Variants in DOK3 observed in about 807,000 individuals in gnomAD.
DOK3 encodes the protein docking protein 3.
DOK3 carries 23 observed loss-of-function variants against 26.2 expected under a neutral mutation model. The observed-to-expected ratio is 0.88, with a 90% CI of 0.63 to 1.24. The LOEUF is 1.24. Among genes scored for constraint, DOK3 ranks in the 50% most tolerant of loss-of-function variants. The probability of loss-of-function intolerance (pLI) is 0.00; values close to 1 mark genes in which losing one functional copy is unlikely to be tolerated. For synonymous variants in DOK3, 268 were observed against 268.2 expected (o/e 1.00, Z 0.01); for missense variants, 619 against 610.6 (o/e 1.01, Z -0.15).
At chr5:177,510,207 T>C (rs1210090464), upstream of DOK3, 2 of 398,002 alleles carry the variant, frequency 5.0e-6, no homozygotes, top group Non-Finnish European at 9.2e-6. Flanking sequence ...CTCAGGGACC[T>C]GTGTGTTCTG....
In DOK3 at chr5:177,504,408, G is replaced by A. The variant is rs1268849824; in HGVS notation, c.898C>T (p.His300Tyr). The A allele has an allele frequency of 6.4e-7, 1 of 1,567,596 alleles. No homozygotes were observed. The highest frequency in any genetic ancestry group is 2.2e-5 in the East Asian group (1 of 44,448). ...CTCTGGGGTCCGGGCTCGGCCAGGT[G>A]CATTTTCCTGGACGTGGGTGGCTCA... ...GPEPPTSRKM[H>Y]LAEPGPQSLP... The change falls in exon 6 of 6, where the codon CAC becomes TAC. Residue 300 changes from histidine (H) to tyrosine (Y), a missense_variant. Transcript: ENST00000510898.
At chr5:177,509,833 A>C (rs1300017289), upstream of DOK3, 3 of 1,611,194 alleles carry the variant, frequency 1.9e-6, no homozygotes, top group East Asian at 4.5e-5. Flanking sequence ...GTCTGATCGC[A>C]GTCTGGCTCC....
intron 2 of DOK3, chr5:177,508,883 A>C (rs1581793588): frequency 3.4e-6 from 1 of 292,684 alleles, no homozygotes; most frequent in Non-Finnish European, 6.3e-6. Flanking sequence ...GTTCCCTCTC[A>C]CCCCCAAAAA....
upstream of DOK3, chr5:177,510,042 C>T: frequency 1.3e-6 from 1 of 741,898 alleles, no homozygotes; most frequent in East Asian, 2.7e-5. Context: ...TGTTCACCTG[C>T]TCCTCTCCAC....
chr5:177,509,546 C>T lies in DOK3; in HGVS notation c.-6G>A, dbSNP rs759442816. The T allele has an allele frequency of 6.8e-6, 11 of 1,609,716 alleles. No homozygotes were observed. Among genetic ancestry groups the T allele is most frequent in the South Asian group, 1.1e-5 (1 of 90,584 alleles). On this transcript the variant is annotated 5_prime_UTR_variant, in exon 2 of 6. It adds an upstream start codon to the 5' untranslated region. Coordinates refer to ENST00000510898, the MANE Select transcript of DOK3 (RefSeq NM_001308236.3). ...GGGGTCTCCAGAGGGTCCATGGTCA[C>T]GGCCAGGAGCAGGGCCGCCGCTTCA...
chr5:177,510,196 A>C, upstream of DOK3: 2 of 417,578 alleles, frequency 4.8e-6, no homozygotes, highest in Non-Finnish European at 4.4e-6. Context: ...TCAGCCCAAC[A>C]CTCAGGGACC....
chr5:177,503,130 G>A lies in DOK3; in HGVS notation c.*853C>T, dbSNP rs202146130. 1,749 of 1,551,124 alleles carry A rather than the reference G, an allele frequency of 1.1e-3. 8 individuals carry two copies. Among genetic ancestry groups the A allele is most frequent in the South Asian group, 7.0e-3 (585 of 84,006 alleles). On this transcript the variant is annotated 3_prime_UTR_variant, in exon 6 of 6. Coordinates refer to ENST00000510898, the MANE Select transcript of DOK3 (RefSeq NM_001308236.3). Reference sequence around the variant, plus strand: ...AGAGCCCTGGAGGCATGACGCTTGCGTGCGTGGCTGGCTCCTAGGATGGCG... The same window carrying A: ...AGAGCCCTGGAGGCATGACGCTTGCATGCGTGGCTGGCTCCTAGGATGGCG...
rs372845866 is a variant in DOK3 at position 177,503,225 on chromosome 5, C to T, written c.*758G>A. On this transcript the variant is annotated 3_prime_UTR_variant, in exon 6 of 6. Transcript: ENST00000510898. ...GGAAACTTCTCTCCCCCTGGAATGT[C>T]GGCTCCCGGAGAACAGGACCAAGGC... 100 of 1,551,538 alleles carry T rather than the reference C, an allele frequency of 6.4e-5. No individual in the cohort carries two copies. Among genetic ancestry groups the T allele is most frequent in the South Asian group, 1.1e-4 (9 of 84,068 alleles).
In DOK3 at chr5:177,509,393, G is replaced by T; in HGVS notation, c.66+82C>A. ...TTCCCAAGTCTCCCAGGTCTGCCTG[G>T]GCTGTCCGAGGCAGGGGCAGAGGCT... On this transcript the variant is annotated intron_variant, in intron 2 of 5. Transcript: ENST00000510898. 4 of 1,528,742 alleles carry T rather than the reference G, an allele frequency of 2.6e-6. No individual in the cohort carries two copies. In the South Asian group the frequency reaches 3.9e-5, roughly 15 times the overall value. 94.7% of individuals were successfully genotyped at this position (1,528,742 alleles called of 1,614,324 possible).
intron 3 of DOK3, among the ~76,000 whole-genome samples, chr5:177,507,321 T>C (rs1377891300): frequency 2.0e-5 from 3 of 152,144 alleles, no homozygotes; most frequent in African/African-American, 7.2e-5. Context: ...CAGGCGTTTG[T>C]TTGTTTTTAT....
Position 177,503,321 on chromosome 5 carries a change from T to G in DOK3, c.*662A>C. 1 of 1,551,480 alleles carries G rather than the reference T, an allele frequency of 6.4e-7. No homozygotes were observed. The highest frequency in any genetic ancestry group is 8.7e-7 in the Non-Finnish European group (1 of 1,146,742). On this transcript the variant is annotated 3_prime_UTR_variant, in exon 6 of 6. Transcript: ENST00000510898. ...CACGCAGCAAACTCTCATCAAGGAT[T>G]ATGCCTGATACGTCATCGGTTCTCT...
rs1279645906 is a variant in DOK3 at position 177,504,924 on chromosome 5, G to C, written c.473-9C>G. On this transcript the variant is annotated splice_polypyrimidine_tract_variant and intron_variant, in intron 4 of 5. Transcript: ENST00000510898. ...CACGGGAAACTCGCCCACTGTGGCA[G>C]GTGGCCAGGACAGCTCCGTCAGTCC... 2.5e-6 allele frequency: 4 copies of C among 1,582,266 alleles called. No individual in the cohort carries two copies. In the African/African-American group the frequency reaches 4.0e-5, roughly 16 times the overall value.
Position 177,503,391 on chromosome 5 carries a change from A to T in DOK3, c.*592T>A. 1.3e-6 allele frequency: 2 copies of T among 1,534,414 alleles called. No homozygotes were observed. Among genetic ancestry groups the T allele is most frequent in the Non-Finnish European group, 8.8e-7 (1 of 1,133,242 alleles). On this transcript the variant is annotated 3_prime_UTR_variant, in exon 6 of 6. Coordinates refer to ENST00000510898, the MANE Select transcript of DOK3 (RefSeq NM_001308236.3). ...ACTGACGCCTGGGGTTCCCAGAAGT[A>T]TCTGCAAATTGTTGGAGTTTCAGCA...
In DOK3 at chr5:177,504,688, TAGC is replaced by T. The variant is rs1468210050; in HGVS notation, c.646-31_646-29del. On this transcript the variant is annotated intron_variant, in intron 5 of 5. Coordinates refer to ENST00000510898, the MANE Select transcript of DOK3 (RefSeq NM_001308236.3). ...GGGCACAGGGCACACGGGTGGGGAT[TAGC>T]AGGAGGGTCCAGGGTGTCAGCCCCT... 2.5e-6 allele frequency: 4 copies of T among 1,613,624 alleles called. No homozygotes were observed. The South Asian group carries it at 4.4e-5, about 18-fold the overall frequency.
chr5:177,503,076 G>A lies in DOK3; in HGVS notation c.*907C>T. ...TGTGCCAAGGGTGTGTGCAGCTGAG[G>A]TGGAGTTGCGGTGAGGGGCTGGGCA... On this transcript the variant is annotated 3_prime_UTR_variant, in exon 6 of 6. Transcript: ENST00000510898. 2 of 1,547,336 alleles carry A rather than the reference G, an allele frequency of 1.3e-6. No individual in the cohort carries two copies. Among genetic ancestry groups the A allele is most frequent in the African/African-American group, 1.4e-5 (1 of 73,084 alleles).
chr5:177,506,679 T>C (rs1198200248), intron 3 of DOK3, among the ~76,000 whole-genome samples: 3 of 126,228 alleles, frequency 2.4e-5, no homozygotes, highest in African/African-American at 5.9e-5. Context: ...CTCTTTTTTT[T>C]CTTTTCTTTT....
Position 177,503,643 on chromosome 5 carries a change from G to T in DOK3, c.*340C>A. The T allele has an allele frequency of 7.6e-7, 1 of 1,315,564 alleles. No homozygotes were observed. The highest frequency in any genetic ancestry group is 1.0e-6 in the Non-Finnish European group (1 of 1,002,002). 81.5% of individuals were successfully genotyped at this position (1,315,564 alleles called of 1,614,324 possible). A position where few individuals can be genotyped will look rare whatever the true frequency, so the allele number is the denominator to read the frequency against. On this transcript the variant is annotated 3_prime_UTR_variant, in exon 6 of 6. Transcript: ENST00000510898. ...ATGATTTCCATCCCGTCTGTCTGCT[G>T]CAGTGGGTTTGAGCCCACGGGTGGC...
Position 177,509,593 on chromosome 5 carries a change from A to G in DOK3, c.-53T>C. 1 of 1,605,578 alleles carries G rather than the reference A, an allele frequency of 6.2e-7. No homozygotes were observed. Among genetic ancestry groups the G allele is most frequent in the Non-Finnish European group, 8.5e-7 (1 of 1,175,376 alleles). On this transcript the variant is annotated 5_prime_UTR_variant, in exon 2 of 6. Coordinates refer to ENST00000510898, the MANE Select transcript of DOK3 (RefSeq NM_001308236.3). ...TTCAAGACCTGGGGAGACTGATGAC[A>G]GGCTGGACGGGAACTCCTCACACTT...
rs1466053816 is a variant in DOK3, at chr5:177,503,634, C to T, written c.*349G>A. 6.9e-6 allele frequency: 9 copies of T among 1,304,468 alleles called. No homozygotes were observed. In the African/African-American group the frequency reaches 9.0e-5, roughly 13 times the overall value. The allele number at this position is 1,304,468 out of a possible 1,614,324, so 80.8% of individuals were successfully genotyped here. A position where few individuals can be genotyped will look rare whatever the true frequency, so the allele number is the denominator to read the frequency against. ...GGAGTCCTAATGATTTCCATCCCGTCTGTCTGCTGCAGTGGGTTTGAGCCC... is the reference window on the plus strand; with the variant it reads ...GGAGTCCTAATGATTTCCATCCCGTTTGTCTGCTGCAGTGGGTTTGAGCCC... On this transcript the variant is annotated 3_prime_UTR_variant, in exon 6 of 6. Coordinates refer to ENST00000510898, the MANE Select transcript of DOK3 (RefSeq NM_001308236.3).
Sources: allele counts gnomAD v4.1 joint callset (sites outside exome capture counted in the v4.1 genomes callset), GRCh38; gene constraint gnomAD v4.1.1; transcripts MANE v1.5; gene names NCBI Gene and HGNC (gene_info 2026-07-23, HGNC 2026-07-21).